Variants in TRAK1 observed in about 807,000 individuals in gnomAD.
TRAK1 encodes the protein trafficking kinesin protein 1, also known as trafficking kinesin-binding protein 1.
TRAK1 carries 33 observed loss-of-function variants against 92.1 expected under a neutral mutation model. The ratio of observed to expected loss-of-function variants is 0.36; its 90% CI spans 0.27 to 0.48. The LOEUF is 0.48. TRAK1 is among the 20% of genes least tolerant of loss of function. The pLI is 0.99. For synonymous variants in TRAK1, 521 were observed against 517.3 expected (o/e 1.01, Z -0.10); for missense variants, 1,123 against 1,257.9 (o/e 0.89, Z 1.62).
At chr3:42,183,388 T>C (rs749938400) in intron 3 of TRAK1, among the ~76,000 whole-genome samples, 3 of 151,716 alleles carry the variant, frequency 2.0e-5, no homozygotes, top group Non-Finnish European at 4.4e-5. Flanking sequence ...AAACCCTGTC[T>C]CTACTAAAAA....
At chr3:42,062,831 C>T (rs1238767148) in intron 1 of TRAK1, among the ~76,000 whole-genome samples, 1 of 152,194 alleles carries the variant, frequency 6.6e-6, no homozygotes, top group Non-Finnish European at 1.5e-5. Flanking sequence ...GACTTCCCTA[C>T]AGCCCCTTGA....
chr3:42,108,256 C>G (rs928346183), intron 1 of TRAK1, among the ~76,000 whole-genome samples: 2 of 151,922 alleles, frequency 1.3e-5, no homozygotes, highest in African/African-American at 4.8e-5. Flanking sequence ...TTTGGGAGGC[C>G]AAGTGAAGTG....
chr3:42,042,292 C>T (rs141642964), intron 1 of TRAK1, among the ~76,000 whole-genome samples: 6 of 151,444 alleles, frequency 4.0e-5, no homozygotes, highest in African/African-American at 1.5e-4. Context: ...CCTTTTTCTG[C>T]ATCTATTGAG....
upstream of TRAK1, among the ~76,000 whole-genome samples, chr3:42,084,612 C>G (rs370389981): frequency 6.6e-6 from 1 of 152,068 alleles, no homozygotes; most frequent in African/African-American, 2.4e-5. Context: ...TGGCTTCAGC[C>G]GGTGAATTCC....
intron 3 of TRAK1, among the ~76,000 whole-genome samples, chr3:42,182,481 C>T (rs1370010927): frequency 2.6e-5 from 4 of 151,838 alleles, no homozygotes; most frequent in Admixed American, 1.3e-4. Flanking sequence ...TTAGCAGAGA[C>T]GGGGTTTTGC....
chr3:42,071,469 A>G (rs1445104744), intron 1 of TRAK1, among the ~76,000 whole-genome samples: 2 of 152,014 alleles, frequency 1.3e-5, no homozygotes, highest in African/African-American at 4.8e-5. Context: ...GCACTTTGGG[A>G]GGCTGAGGTG....
intron 1 of TRAK1, among the ~76,000 whole-genome samples, chr3:42,091,919 G>A (rs902658797): frequency 6.6e-6 from 1 of 152,062 alleles, no homozygotes; most frequent in South Asian, 2.1e-4. Context: ...GGTGGACAGG[G>A]TTTCTAAGGC....
chr3:42,045,272 C>T (rs935061943), intron 1 of TRAK1, among the ~76,000 whole-genome samples: 7 of 152,146 alleles, frequency 4.6e-5, no homozygotes, highest in South Asian at 2.1e-4. Context: ...TGGTGACTCA[C>T]GCCTATAATC....
chr3:42,117,672 A>G (rs1244899354), intron 1 of TRAK1, among the ~76,000 whole-genome samples: 2 of 152,136 alleles, frequency 1.3e-5, no homozygotes, highest in Non-Finnish European at 2.9e-5. Flanking sequence ...GCGTGCAGGC[A>G]CGAGGCCCAG....
intron 2 of TRAK1, among the ~76,000 whole-genome samples, chr3:42,153,929 CCA>C: frequency 6.6e-6 from 1 of 152,172 alleles, no homozygotes; most frequent in Non-Finnish European, 1.5e-5. Flanking sequence ...TTCTCTCTTT[CCA>C]CACACAGCAC....
rs537604377 is a variant in TRAK1, at chr3:42,202,947, G to A, written c.1744+195G>A. 25 of 1,401,064 alleles carry A rather than the reference G, an allele frequency of 1.8e-5. No individual in the cohort carries two copies. The highest frequency in any genetic ancestry group is 2.0e-5 in the Non-Finnish European group (22 of 1,077,138). 86.8% of individuals were successfully genotyped at this position (1,401,064 alleles called of 1,614,324 possible). A position where few individuals can be genotyped will look rare whatever the true frequency, so the allele number is the denominator to read the frequency against. ...CTCCGTCCCTCCCCTCTGGCTGGCA[G>A]GTGTGACAATGCACACATAGGCCAT... On this transcript the variant is annotated intron_variant, in intron 13 of 15. Coordinates refer to ENST00000327628, the MANE Select transcript of TRAK1 (RefSeq NM_001042646.3). This position sits in a 1 kb window ranked among gnomAD's most constrained non-coding sequence, Gnocchi z 6.1.
At chr3:42,106,162 C>G (rs943294968) in intron 1 of TRAK1, among the ~76,000 whole-genome samples, 17 of 152,180 alleles carry the variant, frequency 1.1e-4, no homozygotes, top group Non-Finnish European at 2.2e-4. Flanking sequence ...CAAATTCACA[C>G]ATAACAATAT....
rs1707789872 is a variant in TRAK1, at chr3:42,202,645, C to G, written c.1637C>G (p.Ser546Cys). ...GSLTPTESIM[S>C]LGTHSRFSEF... ...CTCACACCCACTGAGAGCATCATGT[C>G]CCTGGGCACGCACTCCCGCTTCTCC... is the stretch of plus-strand genomic sequence containing the variant. The change falls in exon 13 of 16, where the codon TCC becomes TGC. Residue 546 changes from serine to cysteine, a missense_variant. Coordinates refer to ENST00000327628, the MANE Select transcript of TRAK1 (RefSeq NM_001042646.3). This position sits in a 1 kb window ranked among gnomAD's most constrained non-coding sequence, Gnocchi z 6.1. 6.2e-7 allele frequency: 1 copy of G among 1,612,176 alleles called. No homozygotes were observed. The highest frequency in any genetic ancestry group is 8.5e-7 in the Non-Finnish European group (1 of 1,178,564).
At chr3:42,153,371 T>C (rs532232737) in intron 2 of TRAK1, among the ~76,000 whole-genome samples, 92 of 152,138 alleles carry the variant, frequency 6.0e-4, no homozygotes, top group Non-Finnish European at 1.2e-3. Context: ...TACTCCAGCC[T>C]GGGCGACAGA....
intron 1 of TRAK1, among the ~76,000 whole-genome samples, chr3:42,093,049 A>G (rs755084223): frequency 3.9e-5 from 6 of 152,162 alleles, no homozygotes; most frequent in Non-Finnish European, 8.8e-5. Context: ...TGTGTTTTCT[A>G]TTGAAAATTT....
intron 2 of TRAK1, chr3:42,149,096 C>T (rs544639401): frequency 1.2e-3 from 866 of 747,448 alleles, no homozygotes; most frequent in African/African-American, 1.8e-3. Flanking sequence ...TTTTCAGAGC[C>T]GGCCAGTTTC....
At chr3:42,219,032 G>A in intron 14 of TRAK1, 1 of 985,380 alleles carries the variant, frequency 1.0e-6, no homozygotes, top group South Asian at 4.7e-5. Context: ...TGCCCTGTTT[G>A]CAGGTTTCAA....
intron 2 of TRAK1, among the ~76,000 whole-genome samples, chr3:42,141,900 C>T (rs886615832): frequency 1.3e-5 from 2 of 152,122 alleles, no homozygotes; most frequent in Non-Finnish European, 2.9e-5. Flanking sequence ...CTTTGGGAGG[C>T]CGAGGCAAGC....
chr3:42,016,444 A>G (rs1701530120), intron 1 of TRAK1, among the ~76,000 whole-genome samples: 1 of 152,180 alleles, frequency 6.6e-6, no homozygotes, highest in Non-Finnish European at 1.5e-5. Context: ...ACCTCGAGTG[A>G]TCTGCTGGCC....
Sources: allele counts gnomAD v4.1 joint callset (sites outside exome capture counted in the v4.1 genomes callset), GRCh38; gene constraint gnomAD v4.1.1; non-coding constraint Gnocchi (gnomAD v3.1); transcripts MANE v1.5; gene names NCBI Gene and HGNC (gene_info 2026-07-23, HGNC 2026-07-21).